CDH12: variants seen among roughly 807,000 people sequenced by gnomAD.
The protein encoded by CDH12 is cadherin 12.
CDH12 carries 41 observed loss-of-function variants against 74.1 expected under a neutral mutation model. That is an observed-to-expected ratio of 0.55 (90% CI 0.43 to 0.72). The LOEUF (loss-of-function observed/expected upper bound fraction) is 0.72. CDH12 is among the 30% of genes least tolerant of loss of function. The pLI is 0.00. For missense variants in CDH12, 945 were observed against 977.2 expected (o/e 0.97, Z 0.44); for synonymous variants, 399 against 355.0 (o/e 1.12, Z -1.39).
chr5:22,033,264 C>G (rs114718928), intron 5 of CDH12, among the ~76,000 whole-genome samples: 2 of 152,108 alleles, frequency 1.3e-5, no homozygotes, highest in Non-Finnish European at 2.9e-5. Flanking sequence ...AAGAACAAAC[C>G]AAGCAAGGTT....
At chr5:22,554,900 C>A (rs185048441) in intron 1 of CDH12, among the ~76,000 whole-genome samples, 1 of 152,070 alleles carries the variant, frequency 6.6e-6, no homozygotes, top group Non-Finnish European at 1.5e-5. Context: ...GTATTTGTTA[C>A]CCTCTCAAGC....
chr5:22,770,233 C>G (rs1746736956), intron 1 of CDH12, among the ~76,000 whole-genome samples: 1 of 152,090 alleles, frequency 6.6e-6, no homozygotes, highest in African/African-American at 2.4e-5. Context: ...AACCTCTACA[C>G]TAATAAGCAT....
chr5:21,789,177 TTACA>T (rs1212425603), intron 10 of CDH12, among the ~76,000 whole-genome samples: 1 of 152,184 alleles, frequency 6.6e-6, no homozygotes, highest in Non-Finnish European at 1.5e-5. Context: ...ATTATATATG[TTACA>T]TACATATATG....
At chr5:21,922,398 A>T (rs1754393599) in intron 6 of CDH12, among the ~76,000 whole-genome samples, 1 of 152,156 alleles carries the variant, frequency 6.6e-6, no homozygotes, top group South Asian at 2.1e-4. Flanking sequence ...GGCTAAAATT[A>T]TTTCCTTTAC....
At chr5:22,123,983 T>C (rs1745679142) in intron 4 of CDH12, among the ~76,000 whole-genome samples, 1 of 151,510 alleles carries the variant, frequency 6.6e-6, no homozygotes, top group Admixed American at 6.6e-5. Flanking sequence ...TTATTTTTTT[T>C]CTGGGATGGA....
At chr5:22,605,605 T>C (rs1022549350) in intron 1 of CDH12, among the ~76,000 whole-genome samples, 5 of 152,160 alleles carry the variant, frequency 3.3e-5, no homozygotes, top group African/African-American at 1.2e-4. Flanking sequence ...GAAGGCCTGG[T>C]CCAGGGTCTG....
intron 1 of CDH12, among the ~76,000 whole-genome samples, chr5:22,610,247 T>C (rs376345434): frequency 6.6e-6 from 1 of 152,210 alleles, no homozygotes; most frequent in Non-Finnish European, 1.5e-5. Context: ...ACTAGGTTCT[T>C]ATATCATGTC....
intron 5 of CDH12, among the ~76,000 whole-genome samples, chr5:22,042,491 G>A (rs1490034384): frequency 6.6e-6 from 1 of 151,970 alleles, no homozygotes; most frequent in African/African-American, 2.4e-5. Context: ...AATGCAAATG[G>A]TCATACGAGA....
intron 9 of CDH12, 76 bp from the exon 10 acceptor site, chr5:21,802,496 G>A: frequency 8.0e-7 from 1 of 1,247,212 alleles, no homozygotes; most frequent in South Asian, 1.3e-5. Context: ...TTACTTCAGA[G>A]CAATTTGCAA....
At chr5:21,883,153 A>C in intron 6 of CDH12, 1 of 1,522,898 alleles carries the variant, frequency 6.6e-7, no homozygotes, top group Non-Finnish European at 9.1e-7. Context: ...ATCATCTCTG[A>C]TGCAATGAAA....
At chr5:22,329,443 G>T (rs117908665) in intron 3 of CDH12, among the ~76,000 whole-genome samples, 2 of 152,282 alleles carry the variant, frequency 1.3e-5, no homozygotes, top group East Asian at 3.9e-4. Flanking sequence ...ATGGCAGGGT[G>T]GGTGGAGCAA....
intron 5 of CDH12, among the ~76,000 whole-genome samples, chr5:22,027,984 G>C (rs1056258804): frequency 1.1e-4 from 16 of 151,898 alleles, no homozygotes; most frequent in African/African-American, 3.4e-4. Flanking sequence ...ACACTGCTTT[G>C]AATGTGTCCC....
Position 22,504,030 on chromosome 5 carries a change from A to G in CDH12, c.-428+1240T>C, listed in dbSNP as rs181837321. ...AGATCTGGACTGAAACCCCAAACCA[A>G]AATTATCCAAGATCAGAGATTTAGA... is the stretch of plus-strand genomic sequence containing the variant. On this transcript the variant is annotated intron_variant, in intron 2 of 14. Coordinates refer to ENST00000382254, the MANE Select transcript of CDH12 (RefSeq NM_004061.5). Among the ~76,000 whole-genome samples the G allele has an allele frequency of 2.8e-4, 43 of 152,118 alleles. No homozygotes were observed. In the East Asian group the frequency reaches 3.1e-3, roughly 11 times the overall value.
chr5:22,772,554 A>G (rs1427945312), intron 1 of CDH12, among the ~76,000 whole-genome samples: 1 of 152,140 alleles, frequency 6.6e-6, no homozygotes, highest in African/African-American at 2.4e-5. Flanking sequence ...TCGTTTTCCT[A>G]TTGTAATGGA....
chr5:21,868,968 G>C (rs976647382), intron 6 of CDH12, among the ~76,000 whole-genome samples: 1 of 152,136 alleles, frequency 6.6e-6, no homozygotes, highest in African/African-American at 2.4e-5. Flanking sequence ...TTTGCTTCTT[G>C]TTCCTGCAAC....
At chr5:22,425,811 G>A (rs1184533220) in intron 2 of CDH12, among the ~76,000 whole-genome samples, 1 of 151,990 alleles carries the variant, frequency 6.6e-6, no homozygotes, top group Non-Finnish European at 1.5e-5. Context: ...GTACAGACAC[G>A]CACAGAGGTG....
chr5:22,350,005 T>C (rs1423307760), intron 3 of CDH12, among the ~76,000 whole-genome samples: 1 of 152,234 alleles, frequency 6.6e-6, no homozygotes, highest in African/African-American at 2.4e-5. Context: ...CTTATTACTT[T>C]CTGTAACATA....
intron 1 of CDH12, among the ~76,000 whole-genome samples, chr5:22,529,001 A>C (rs559903674): frequency 6.6e-6 from 1 of 151,966 alleles, no homozygotes; most frequent in East Asian, 1.9e-4. Context: ...CCAGGGAAAC[A>C]GAACCAATAG....
chr5:22,321,305 T>C (rs1214121721), intron 3 of CDH12, among the ~76,000 whole-genome samples: 1 of 149,048 alleles, frequency 6.7e-6, no homozygotes, highest in Non-Finnish European at 1.5e-5. Flanking sequence ...CATGGAATAC[T>C]ATGCAGCCAT....
Sources: gnomAD v4.1 joint callset for allele counts (sites outside exome capture counted in the v4.1 genomes callset) on GRCh38, gnomAD v4.1.1 for gene constraint, MANE v1.5 for transcripts, NCBI Gene and HGNC (gene_info 2026-07-23, HGNC 2026-07-21) for gene names.